ANO8: variants seen among roughly 807,000 people sequenced by gnomAD.
ANO8 encodes the protein anoctamin-8.
ANO8 carries 67 observed loss-of-function variants against 120.4 expected under a neutral mutation model. The ratio of observed to expected loss-of-function variants is 0.56; its 90% CI spans 0.46 to 0.68. The LOEUF (loss-of-function observed/expected upper bound fraction) is 0.68, where lower values mean the gene tolerates loss of function less well. Among genes scored for constraint, ANO8 ranks in the 30% least tolerant of loss-of-function variants. The pLI, the probability that ANO8 is intolerant of heterozygous loss-of-function variation, is 0.00. For missense variants in ANO8, 1,526 were observed against 1,737.6 expected, an observed-to-expected ratio of 0.88 and a Z score of 2.16; for synonymous variants, 727 against 759.2, an observed-to-expected ratio of 0.96 and a Z score of 0.70.
rs2074329952 is a variant in ANO8 at position 17,332,963 on chromosome 19, G to A, written c.553C>T (p.His185Tyr). ...TGGTCCTCCAGGAAGCGCACGTTGT[G>A]GAGTGCTTCTCCCTGCTTGGCACGC... is the stretch of plus-strand genomic sequence containing the variant. ...NLRAKQGEAL[H>Y]NVRFLEDQPI... Residue 185 changes from histidine to tyrosine, a missense_variant, in exon 5 of 18, where the codon CAC (histidine) becomes TAC (tyrosine). By Grantham distance (83) the His-to-Tyr change is moderately conservative. Around this residue, in one of 8 missense-constraint regions of ANO8, gnomAD observed 322 missense variants for 431.8 expected, o/e 0.75. Transcript: ENST00000159087. The A allele has an allele frequency of 6.2e-7, 1 of 1,614,172 alleles. No homozygotes were observed. The highest frequency in any genetic ancestry group is 8.5e-7 in the Non-Finnish European group (1 of 1,180,050).
rs1301742099 is a variant in ANO8, at chr19:17,328,675, C to T, written c.1713G>A (p.Gly571=). The T allele has an allele frequency of 2.9e-6, 4 of 1,399,338 alleles. No homozygotes were observed. Among genetic ancestry groups the T allele is most frequent in the Non-Finnish European group, 3.8e-6 (4 of 1,063,710 alleles). 86.7% of individuals were successfully genotyped at this position (1,399,338 alleles called of 1,614,324 possible). ...CCCCTGGAGGCCCGTCCCCCTCCTC[C>T]CCGCCTTCCCCCGCCCGCCGCCGCT... is the stretch of plus-strand genomic sequence containing the variant. ...LVERRRAGEG[G]EEGDGPPGGK... is the part of the protein sequence containing the mutation. Residue 571 remains glycine, a synonymous_variant, in exon 13 of 18, where the codon GGG becomes GGA. Coordinates refer to ENST00000159087, the MANE Select transcript of ANO8 (RefSeq NM_020959.3).
intron 12 of ANO8, chr19:17,329,555 G>C (rs1343813920): frequency 3.3e-6 from 2 of 602,520 alleles, no homozygotes; most frequent in Non-Finnish European, 5.9e-6. Context: ...TGAAGGGACC[G>C]ACGGACAGAT....
chr19:17,329,015 G>C, intron 12 of ANO8, 32 bp from the exon 13 acceptor site: 1 of 1,420,934 alleles, frequency 7.0e-7, no homozygotes, highest in South Asian at 1.4e-5. Flanking sequence ...AGAGAGGCGC[G>C]TGGGGGGCAA....
intron 5 of ANO8, among the ~76,000 whole-genome samples, chr19:17,331,634 T>C (rs890592503): frequency 6.7e-6 from 1 of 149,506 alleles, no homozygotes; most frequent in Non-Finnish European, 1.5e-5. Context: ...GAGAGTGGGG[T>C]TCTGGTGAGG....
rs1221543087 is a variant in ANO8 at position 17,327,179 on chromosome 19, G to A, written c.2661+56C>T. On this transcript the variant is annotated intron_variant, in intron 16 of 17. Coordinates refer to ENST00000159087, the MANE Select transcript of ANO8 (RefSeq NM_020959.3). ...GCTAAGGAATTGGCCACCAAGATCA[G>A]AGATCCACCAGCAGCCCCACCAATG... 6 of 1,413,354 alleles carry A rather than the reference G, an allele frequency of 4.2e-6. No individual in the cohort carries two copies. In the African/African-American group the frequency reaches 8.6e-5, roughly 20 times the overall value. The allele number at this position is 1,413,354 out of a possible 1,614,324, so 87.6% of individuals were successfully genotyped here. A position where few individuals can be genotyped will look rare whatever the true frequency, so the allele number is the denominator to read the frequency against.
chr19:17,328,467 T>G lies in ANO8; in HGVS notation c.1921A>C (p.Ser641Arg). ...PSPEALLEEGSPTMVEKGLEP... is the reference protein window; with the variant it reads ...PSPEALLEEGRPTMVEKGLEP... ...AGCCCCTTCTCCACCATAGTGGGGCTCCCTTCCTCCAGGAGGGCCTCCGGG... is the reference window on the plus strand; with the variant it reads ...AGCCCCTTCTCCACCATAGTGGGGCGCCCTTCCTCCAGGAGGGCCTCCGGG... Residue 641 changes from serine to arginine, a missense_variant, in exon 13 of 18, where the codon AGC becomes CGC. This residue lies in a region of ANO8 where 467 missense variants were observed against 425.8 expected (regional missense o/e 1.10). Transcript: ENST00000159087. The G allele has an allele frequency of 6.4e-7, 1 of 1,573,216 alleles. No individual in the cohort carries two copies. Among genetic ancestry groups the G allele is most frequent in the Non-Finnish European group, 8.6e-7 (1 of 1,164,662 alleles).
At chr19:17,326,858 G>A (rs918117921) in intron 16 of ANO8, among the ~76,000 whole-genome samples, 2 of 152,228 alleles carry the variant, frequency 1.3e-5, no homozygotes, top group African/African-American at 4.8e-5. Context: ...TGAAGGTTCT[G>A]AAGGGCCAGC....
Position 17,327,232 on chromosome 19 carries a change from T to C in ANO8, c.2661+3A>G, listed in dbSNP as rs1202095758. 6.5e-7 allele frequency: 1 copy of C among 1,530,432 alleles called. No individual in the cohort carries two copies. The highest frequency in any genetic ancestry group is 8.8e-7 in the Non-Finnish European group (1 of 1,134,014). 94.8% of individuals were successfully genotyped at this position (1,530,432 alleles called of 1,614,324 possible). A position where few individuals can be genotyped will look rare whatever the true frequency, so the allele number is the denominator to read the frequency against. On this transcript the variant is annotated splice_donor_region_variant and intron_variant, in intron 16 of 17. Transcript: ENST00000159087. ...AAAACCGAGCCCAGCCTGGCCCCCC[T>C]ACCTTAAAGGCCTCGCGGCGCTGGT... is the stretch of plus-strand genomic sequence containing the variant.
intron 16 of ANO8, among the ~76,000 whole-genome samples, chr19:17,325,594 G>C (rs1193322569): frequency 6.6e-6 from 1 of 152,218 alleles, no homozygotes; most frequent in East Asian, 1.9e-4. Context: ...GGCATTCCCA[G>C]ATACATGATC....
At position 17,329,792 on chromosome 19, in the gene ANO8, C is replaced by T. The variant is rs778259594; in HGVS notation, c.1369G>A (p.Gly457Ser). 4 of 1,613,394 alleles carry T rather than the reference C, an allele frequency of 2.5e-6. No individual in the cohort carries two copies. The highest frequency in any genetic ancestry group is 2.2e-5 in the East Asian group (1 of 44,858). Residue 457 changes from glycine (G) to serine (S), a missense_variant, in exon 12 of 18, where the codon GGT (glycine) becomes AGT (serine). This residue lies in a region of ANO8 where 23 missense variants were observed against 53.3 expected (regional missense o/e 0.43). Coordinates refer to ENST00000159087, the MANE Select transcript of ANO8 (RefSeq NM_020959.3). ...VNSYLSLFYIGFYLKDMERLK... is the reference protein window; with the variant it reads ...VNSYLSLFYISFYLKDMERLK... ...CGCTCCATGTCCTTGAGGTAGAAAC[C>T]GATGTAGAAGAGGCTCAGGTACGAG...
In ANO8 at chr19:17,327,893, G is replaced by C; in HGVS notation, c.2227-13C>G. 6.2e-7 allele frequency: 1 copy of C among 1,610,472 alleles called. No homozygotes were observed. Among genetic ancestry groups the C allele is most frequent in the East Asian group, 2.2e-5 (1 of 44,798 alleles). On this transcript the variant is annotated splice_polypyrimidine_tract_variant and intron_variant, in intron 13 of 17. Coordinates refer to ENST00000159087, the MANE Select transcript of ANO8 (RefSeq NM_020959.3). ...CCTGGAACGTGTCCTGCGAGTGGGC[G>C]GGCCTCAGACCTGGAAGCCTCTTCC... is the stretch of plus-strand genomic sequence containing the variant.
chr19:17,332,441 G>A (rs1488464662), intron 5 of ANO8, among the ~76,000 whole-genome samples: 13 of 152,222 alleles, frequency 8.5e-5, no homozygotes, highest in South Asian at 2.1e-4. Flanking sequence ...GGACCCGAAC[G>A]TCTGAGGAAT....
rs2074295303 is a variant in ANO8 at position 17,328,792 on chromosome 19, C to T, written c.1596G>A (p.Glu532=). The T allele has an allele frequency of 7.3e-7, 1 of 1,368,260 alleles. No individual in the cohort carries two copies. Among genetic ancestry groups the T allele is most frequent in the African/African-American group, 1.5e-5 (1 of 65,482 alleles). The allele number at this position is 1,368,260 out of a possible 1,614,324, so 84.8% of individuals were successfully genotyped here. A position where few individuals can be genotyped will look rare whatever the true frequency, so the allele number is the denominator to read the frequency against. Residue 532 remains glutamate (E), a synonymous_variant, in exon 13 of 18, where the codon GAG becomes GAA. Transcript: ENST00000159087. ...CGCCCCCGCTGCCGCCGCCCCCGCC[C>T]TCATCCGCCTGGGGTTCGAGGCGGC... ...APRRLEPQAD[E]GGGGGSGGGG...
chr19:17,331,544 G>T, intron 5 of ANO8, 133 bp from the exon 6 acceptor site: 1 of 722,070 alleles, frequency 1.4e-6, no homozygotes, highest in Non-Finnish European at 2.4e-6. Flanking sequence ...CAGGGGAGAA[G>T]TTCTAGACGG....
At chr19:17,324,102 G>GAAGT (rs1327210097) in intron 17 of ANO8, among the ~76,000 whole-genome samples, 1 of 152,112 alleles carries the variant, frequency 6.6e-6, no homozygotes, top group Non-Finnish European at 1.5e-5. Flanking sequence ...ACAGTTTGAG[G>GAAGT]AAGTCCCTCT....
At chr19:17,324,666 C>G in intron 17 of ANO8, 51 bp downstream of exon 17, 1 of 1,513,902 alleles carries the variant, frequency 6.6e-7, no homozygotes, top group Non-Finnish European at 8.8e-7. Context: ...CCACCCTACC[C>G]TATCCCCAAA....
Position 17,331,127 on chromosome 19 carries a change from G to A in ANO8, c.792C>T (p.Val264=), listed in dbSNP as rs1439692267. 6.2e-6 allele frequency: 10 copies of A among 1,614,104 alleles called. No individual in the cohort carries two copies. The highest frequency in any genetic ancestry group is 8.5e-6 in the Non-Finnish European group (10 of 1,180,044). The change falls in exon 7 of 18, where the codon GTC becomes GTT. Residue 264 remains valine, a synonymous_variant. Transcript: ENST00000159087. ...TGAATGTGTACAGGACAGACCCGAA[G>A]ACAGCTGGGTATACCATAGCCGACG... The part of the protein sequence containing the change: ...FYTSAMVYPA[V]FGSVLYTFTE...
At chr19:17,330,708 T>A in intron 8 of ANO8, 120 bp downstream of exon 8, 1 of 1,455,926 alleles carries the variant, frequency 6.9e-7, no homozygotes, top group Non-Finnish European at 9.2e-7. Flanking sequence ...CGCCTCGGTT[T>A]GGCATACCCT....
chr19:17,328,324 G>A lies in ANO8; in HGVS notation c.2064C>T (p.Asp688=). The A allele has an allele frequency of 6.3e-7, 1 of 1,593,164 alleles. No homozygotes were observed. Among genetic ancestry groups the A allele is most frequent in the African/African-American group, 1.3e-5 (1 of 74,746 alleles). The change falls in exon 13 of 18, where the codon GAC becomes GAT. Residue 688 remains aspartate (D), a synonymous_variant. Coordinates refer to ENST00000159087, the MANE Select transcript of ANO8 (RefSeq NM_020959.3). ...LFRRAGGEGR[D]QGPDGGPDPE... is the part of the protein sequence containing the mutation. ...GGTCCGGGCCCCCGTCGGGCCCCTG[G>A]TCTCGGCCCTCGCCCCCGGCCCGGC...
Sources: allele counts gnomAD v4.1 joint callset (sites outside exome capture counted in the v4.1 genomes callset), GRCh38; gene constraint gnomAD v4.1.1; regional missense constraint gnomAD v4.1.1; transcripts MANE v1.5; gene names NCBI Gene and HGNC (gene_info 2026-07-23, HGNC 2026-07-21).